Variants in MAPKAP1 observed in about 807,000 individuals in gnomAD.
MAPKAP1 encodes MAPK associated protein 1, also known as target of rapamycin complex 2 subunit MAPKAP1.
Under a neutral mutation model 65.7 loss-of-function variants are expected in MAPKAP1, and 20 were observed. The observed-to-expected ratio is 0.30, with a 90% CI of 0.21 to 0.44. The LOEUF (loss-of-function observed/expected upper bound fraction) is 0.44. Ranked by LOEUF, MAPKAP1 falls within the 20% of genes least tolerant of loss-of-function variation. The probability of loss-of-function intolerance (pLI) is 1.00; values close to 1 mark genes in which losing one functional copy is unlikely to be tolerated. For missense variants in MAPKAP1, 423 were observed against 648.0 expected (o/e 0.65, Z 3.77); for synonymous variants, 222 against 244.3 (o/e 0.91, Z 0.85).
intron 7 of MAPKAP1, among the ~76,000 whole-genome samples, chr9:125,538,952 A>C (rs991674002): frequency 2.4e-4 from 37 of 152,112 alleles, no homozygotes; most frequent in African/African-American, 8.4e-4. Context: ...TCAGACCAGA[A>C]CCCCCAAACC....
At chr9:125,494,287 A>AAC (rs1407626742) in intron 8 of MAPKAP1, among the ~76,000 whole-genome samples, 2 of 152,080 alleles carry the variant, frequency 1.3e-5, no homozygotes, top group Non-Finnish European at 2.9e-5. Context: ...GATATACTAA[A>AAC]ACACACACAC....
At chr9:125,542,959 C>G (rs368537135) in intron 7 of MAPKAP1, 100 bp downstream of exon 7, 22 of 858,670 alleles carry the variant, frequency 2.6e-5, no homozygotes, top group Non-Finnish European at 4.3e-5. Context: ...GCAATGACAT[C>G]TGAAAGAATC....
intron 5 of MAPKAP1, among the ~76,000 whole-genome samples, chr9:125,574,659 T>C (rs1831338081): frequency 6.6e-6 from 1 of 152,224 alleles, no homozygotes; most frequent in South Asian, 2.1e-4. Flanking sequence ...CAGAATATCA[T>C]AGCATAGTAA....
rs916362691 is a variant in MAPKAP1, at chr9:125,625,267, A to T, written c.498+32384T>A. Among the ~76,000 whole-genome samples, 559 of 142,240 alleles carry T rather than the reference A, an allele frequency of 3.9e-3. 7 individuals are homozygous for T. Among genetic ancestry groups the T allele is most frequent in the African/African-American group, 0.013 (512 of 39,462 alleles). The allele number at this position is 142,240 out of a possible 152,430, so 93.3% of individuals were successfully genotyped here. On this transcript the variant is annotated intron_variant, in intron 4 of 11. Transcript: ENST00000265960. Reference sequence around the variant, plus strand: ...AAAAATAAATAAATAAAAAAAAAAAAAAAAAAAAAAAAACAAGGGAGAGAA... The same window carrying T: ...AAAAATAAATAAATAAAAAAAAAAATAAAAAAAAAAAAACAAGGGAGAGAA...
chr9:125,599,284 CCT>C (rs1832233543), intron 4 of MAPKAP1, among the ~76,000 whole-genome samples: 1 of 152,092 alleles, frequency 6.6e-6, no homozygotes, highest in African/African-American at 2.4e-5. Flanking sequence ...TGATGATGTC[CCT>C]GTCACCATGT....
At position 125,614,579 on chromosome 9, in the gene MAPKAP1, C is replaced by A. The variant is rs539917961; in HGVS notation, c.499-28852G>T. ...AGTGGAGGTTGCAGTGAGCCAAGAT[C>A]GCGCCATTGCACTCCAGCTTTGAGC... On this transcript the variant is annotated intron_variant, in intron 4 of 11. Transcript: ENST00000265960. Among the ~76,000 whole-genome samples the A allele has an allele frequency of 2.1e-3, 313 of 152,200 alleles. 7 individuals carry two copies. The South Asian group carries it at 0.033, about 16-fold the overall frequency.
intron 7 of MAPKAP1, among the ~76,000 whole-genome samples, chr9:125,541,898 G>A (rs1291303658): frequency 9.2e-5 from 14 of 152,210 alleles, no homozygotes; most frequent in Admixed American, 9.2e-4. Flanking sequence ...CCAGAGAGCT[G>A]GTTATCAAAC....
At chr9:125,469,663 G>T (rs983856707) in intron 9 of MAPKAP1, among the ~76,000 whole-genome samples, 1 of 152,082 alleles carries the variant, frequency 6.6e-6, no homozygotes, top group African/African-American at 2.4e-5. Context: ...CTAATCGAAC[G>T]CTGGAATTTG....
Position 125,454,702 on chromosome 9 carries a change from C to T in MAPKAP1, c.1346-10104G>A, listed in dbSNP as rs143874982. The stretch of plus-strand genomic sequence containing the variant: ...TTTGTTTAGTTTTATTTTTGGTCAA[C>T]TCTTGTTAGCTTTCACTTCCCACTG... On this transcript the variant is annotated intron_variant, in intron 10 of 11. Coordinates refer to ENST00000265960, the MANE Select transcript of MAPKAP1 (RefSeq NM_001006617.3). 5.2e-3 allele frequency among the ~76,000 whole-genome samples: 793 copies of T among 152,260 alleles called. 6 individuals are homozygous for T. The highest frequency in any genetic ancestry group is 8.8e-3 in the Admixed American group (135 of 15,288).
At chr9:125,469,372 A>G (rs929384431) in intron 9 of MAPKAP1, among the ~76,000 whole-genome samples, 1 of 152,204 alleles carries the variant, frequency 6.6e-6, no homozygotes, top group Non-Finnish European at 1.5e-5. Flanking sequence ...TAAAACACAC[A>G]CACACCCCAA....
chr9:125,543,211 C>T (rs1830307287), intron 6 of MAPKAP1, 43 bp from the exon 7 acceptor site: 1 of 1,361,142 alleles, frequency 7.3e-7, no homozygotes. Context: ...AACATTCATC[C>T]AGAGAGATGT....
intron 1 of MAPKAP1, among the ~76,000 whole-genome samples, chr9:125,702,885 A>G (rs1295484260): frequency 6.6e-6 from 1 of 151,884 alleles, no homozygotes; most frequent in Non-Finnish European, 1.5e-5. Flanking sequence ...CTAGCTACAC[A>G]TAGTGGCATG....
intron 3 of MAPKAP1, among the ~76,000 whole-genome samples, chr9:125,660,770 C>T (rs991368711): frequency 1.3e-5 from 2 of 152,202 alleles, no homozygotes; most frequent in African/African-American, 4.8e-5. Context: ...CCGCTAGCAA[C>T]GCTGTGTTAT....
intron 7 of MAPKAP1, among the ~76,000 whole-genome samples, chr9:125,537,681 C>T (rs886169411): frequency 1.1e-4 from 17 of 152,188 alleles, no homozygotes; most frequent in Non-Finnish European, 2.9e-5. Context: ...CAGGGTTTCA[C>T]TATGTTGTCC....
intron 1 of MAPKAP1, among the ~76,000 whole-genome samples, chr9:125,698,024 T>C (rs1835436022): frequency 6.6e-6 from 1 of 150,774 alleles, no homozygotes; most frequent in Admixed American, 6.6e-5. Flanking sequence ...AGTCCCAATA[T>C]CCAAATCCAG....
Position 125,685,951 on chromosome 9 carries a change from T to C in MAPKAP1, c.-69-13308A>G, listed in dbSNP as rs142142412. On this transcript the variant is annotated intron_variant, in intron 1 of 11. Transcript: ENST00000265960. The stretch of plus-strand genomic sequence containing the variant: ...CTATCAGCTCCTCAGCGTTTGAAGT[T>C]TGCTCAAACAAGTGGAAGAATTCAA... Among the ~76,000 whole-genome samples the C allele has an allele frequency of 6.1e-3, 936 of 152,316 alleles. 12 individuals carry two copies. The highest frequency in any genetic ancestry group is 0.021 in the African/African-American group (869 of 41,568).
At chr9:125,695,435 G>A (rs1835354640) in intron 1 of MAPKAP1, among the ~76,000 whole-genome samples, 1 of 152,132 alleles carries the variant, frequency 6.6e-6, no homozygotes, top group African/African-American at 2.4e-5. Context: ...GGCCTTTTCA[G>A]CTGTCATTGC....
chr9:125,492,257 T>C (rs1408808831), intron 8 of MAPKAP1, among the ~76,000 whole-genome samples: 2 of 152,202 alleles, frequency 1.3e-5, no homozygotes, highest in Non-Finnish European at 2.9e-5. Flanking sequence ...CAATAACTTT[T>C]AAGAGTATAA....
At chr9:125,691,547 TGTAA>T (rs1835171009) in intron 1 of MAPKAP1, among the ~76,000 whole-genome samples, 1 of 152,094 alleles carries the variant, frequency 6.6e-6, no homozygotes, top group South Asian at 2.1e-4. Flanking sequence ...GACATCAACA[TGTAA>T]GTGACAGGTA....
Sources: gnomAD v4.1 joint callset for allele counts (sites outside exome capture counted in the v4.1 genomes callset) on GRCh38, gnomAD v4.1.1 for gene constraint, MANE v1.5 for transcripts, NCBI Gene and HGNC (gene_info 2026-07-23, HGNC 2026-07-21) for gene names.